The following KCNT2 variants were observed in gnomAD, a reference collection of about 807,000 sequenced individuals.
The protein encoded by KCNT2 is potassium channel subfamily T member 2.
A neutral mutation model predicts 153.8 loss-of-function variants in KCNT2; 67 were observed. That is an observed-to-expected ratio of 0.44 (90% CI 0.36 to 0.53). The LOEUF (loss-of-function observed/expected upper bound fraction) is 0.53. Ranked by LOEUF, KCNT2 falls within the 20% of genes least tolerant of loss-of-function variation. KCNT2 has a pLI of 0.00. For synonymous variants in KCNT2, 500 were observed against 458.8 expected, an observed-to-expected ratio of 1.09 and a Z score of -1.15; for missense variants, 975 against 1,354.8, an observed-to-expected ratio of 0.72 and a Z score of 4.40.
In KCNT2 at chr1:196,225,891, T is replaced by G. The variant is rs956160174; in HGVS notation, c.*2333A>C. 6.6e-6 allele frequency: 1 copy of G among 152,116 alleles called. No homozygotes were observed. Among genetic ancestry groups the G allele is most frequent in the Non-Finnish European group, 1.5e-5 (1 of 67,970 alleles). 9.4% of individuals were successfully genotyped at this position (152,116 alleles called of 1,614,324 possible). ...AATTCCCATTGGGCTACAAGGACTA[T>G]TATTGACTTTATATTTTATTTTCAT... On this transcript the variant is annotated 3_prime_UTR_variant, in exon 28 of 28. Coordinates refer to ENST00000294725, the MANE Select transcript of KCNT2 (RefSeq NM_198503.5).
At chr1:196,490,554 A>G (rs758234840) in intron 2 of KCNT2, among the ~76,000 whole-genome samples, 105 of 149,842 alleles carry the variant, frequency 7.0e-4, no homozygotes, top group Non-Finnish European at 9.5e-4. Flanking sequence ...CACACGATCA[A>G]TCTCTCCATT....
intron 4 of KCNT2, among the ~76,000 whole-genome samples, chr1:196,479,999 A>G (rs1678871381): frequency 6.6e-6 from 1 of 152,230 alleles, no homozygotes; most frequent in African/African-American, 2.4e-5. Context: ...CCCCTTGTGC[A>G]GATAGAAGTG....
intron 22 of KCNT2, among the ~76,000 whole-genome samples, chr1:196,301,354 A>G (rs1661168627): frequency 6.6e-6 from 1 of 152,136 alleles, no homozygotes; most frequent in South Asian, 2.1e-4. Flanking sequence ...CATGCACACT[A>G]ATAAATTTGC....
rs560877391 is a variant in KCNT2 at position 196,270,356 on chromosome 1, A to G, written c.2910+10504T>C. ...TTTCTGTAACCAAAAGGTTCATTTTATGTCTAAATGTCTAGAAATCACATC... is the reference window on the plus strand; with the variant it reads ...TTTCTGTAACCAAAAGGTTCATTTTGTGTCTAAATGTCTAGAAATCACATC... On this transcript the variant is annotated intron_variant, in intron 25 of 27. Coordinates refer to ENST00000294725, the MANE Select transcript of KCNT2 (RefSeq NM_198503.5). 7.9e-5 allele frequency among the ~76,000 whole-genome samples: 12 copies of G among 152,148 alleles called. No homozygotes were observed. The South Asian group carries it at 2.5e-3, about 32-fold the overall frequency.
At chr1:196,439,839 T>A (rs773637981) in intron 8 of KCNT2, among the ~76,000 whole-genome samples, 2 of 151,938 alleles carry the variant, frequency 1.3e-5, no homozygotes, top group Non-Finnish European at 2.9e-5. Flanking sequence ...AAAAGATATA[T>A]AATAACACAT....
At chr1:196,435,152 T>TGAATTC (rs1674531326) in intron 8 of KCNT2, among the ~76,000 whole-genome samples, 1 of 109,452 alleles carries the variant, frequency 9.1e-6, no homozygotes, top group Admixed American at 8.7e-5. Flanking sequence ...TATATATATA[T>TGAATTC]ATATATATAT....
At chr1:196,378,226 C>G (rs961998838) in intron 13 of KCNT2, among the ~76,000 whole-genome samples, 2 of 152,152 alleles carry the variant, frequency 1.3e-5, no homozygotes, top group African/African-American at 4.8e-5. Flanking sequence ...CCAATGACTA[C>G]TGTGCATTTC....
At chr1:196,561,849 G>T (rs188591355) in intron 1 of KCNT2, among the ~76,000 whole-genome samples, 1 of 151,648 alleles carries the variant, frequency 6.6e-6, no homozygotes, top group East Asian at 2.0e-4. Flanking sequence ...CCTTCAGAAA[G>T]GCAGAACAAC....
chr1:196,374,206 AC>A (rs1668761560), intron 13 of KCNT2, among the ~76,000 whole-genome samples: 1 of 151,872 alleles, frequency 6.6e-6, no homozygotes, highest in African/African-American at 2.4e-5. Flanking sequence ...GAAAAGTAGC[AC>A]TTTTAGCAAA....
At chr1:196,504,766 C>T (rs150461361) in intron 1 of KCNT2, among the ~76,000 whole-genome samples, 2,163 of 152,160 alleles carry the variant, frequency 0.014, 53 homozygotes, top group African/African-American at 0.049. Flanking sequence ...GACTTTTTAA[C>T]GATTGCCATT....
intron 13 of KCNT2, among the ~76,000 whole-genome samples, chr1:196,389,076 A>G (rs1260104246): frequency 6.6e-6 from 1 of 151,740 alleles, no homozygotes; most frequent in Non-Finnish European, 1.5e-5. Flanking sequence ...AAATGCGGTT[A>G]TTGCATCTGT....
chr1:196,607,226 T>A (rs542383446), intron 1 of KCNT2, among the ~76,000 whole-genome samples: 1 of 152,316 alleles, frequency 6.6e-6, no homozygotes. Flanking sequence ...ATAACTAAAA[T>A]AGCACATCAA....
intron 11 of KCNT2, among the ~76,000 whole-genome samples, chr1:196,425,105 AC>A (rs1673540406): frequency 1.3e-5 from 2 of 152,058 alleles, no homozygotes; most frequent in South Asian, 4.2e-4. Context: ...GAGCAAAACC[AC>A]TTTTGTTGAA....
intron 25 of KCNT2, among the ~76,000 whole-genome samples, chr1:196,270,094 T>C (rs1014861439): frequency 3.3e-5 from 5 of 152,022 alleles, no homozygotes; most frequent in African/African-American, 7.2e-5. Flanking sequence ...TTTCTAAAGG[T>C]ATAGAATTGC....
intron 1 of KCNT2, among the ~76,000 whole-genome samples, chr1:196,543,290 C>G (rs181658605): frequency 6.6e-6 from 1 of 152,106 alleles, no homozygotes; most frequent in South Asian, 2.1e-4. Flanking sequence ...AACATTTTAA[C>G]ACACTGCAGT....
chr1:196,226,947 C>T lies in KCNT2; in HGVS notation c.*1277G>A, dbSNP rs1018373056. On this transcript the variant is annotated 3_prime_UTR_variant, in exon 28 of 28. Coordinates refer to ENST00000294725, the MANE Select transcript of KCNT2 (RefSeq NM_198503.5). ...CTTCTACTACCTGGTAAACTATGTA[C>T]GCATACTCTTGTGCTCTTTTGATCT... 3.9e-5 allele frequency: 6 copies of T among 151,966 alleles called. No individual in the cohort carries two copies. Among genetic ancestry groups the T allele is most frequent in the South Asian group, 2.1e-4 (1 of 4,826 alleles). 9.4% of individuals were successfully genotyped at this position (151,966 alleles called of 1,614,324 possible).
At chr1:196,274,715 C>T (rs1222602618) in intron 25 of KCNT2, among the ~76,000 whole-genome samples, 1 of 151,782 alleles carries the variant, frequency 6.6e-6, no homozygotes, top group Non-Finnish European at 1.5e-5. Context: ...TTCAGGGTAA[C>T]ACATTCCACA....
intron 27 of KCNT2, among the ~76,000 whole-genome samples, chr1:196,235,589 T>A (rs1335285405): frequency 6.6e-6 from 1 of 151,328 alleles, no homozygotes. Context: ...ATAAAATTAG[T>A]CCCATAGAAC....
At chr1:196,502,734 A>G (rs1165157322) in intron 1 of KCNT2, among the ~76,000 whole-genome samples, 3 of 152,092 alleles carry the variant, frequency 2.0e-5, no homozygotes, top group Non-Finnish European at 4.4e-5. Flanking sequence ...GCAAAAAAGT[A>G]TTTCTTTTCA....
Sources: gnomAD v4.1 joint callset for allele counts (sites outside exome capture counted in the v4.1 genomes callset) on GRCh38, gnomAD v4.1.1 for gene constraint, MANE v1.5 for transcripts, NCBI Gene and HGNC (gene_info 2026-07-23, HGNC 2026-07-21) for gene names.